The following GRM1 variants were observed in gnomAD, a reference collection of about 807,000 sequenced individuals.
The protein encoded by GRM1 is metabotropic glutamate receptor 1.
A neutral mutation model predicts 90.9 loss-of-function variants in GRM1; 33 were observed. That is an observed-to-expected ratio of 0.36 (90% CI 0.28 to 0.49). The LOEUF (loss-of-function observed/expected upper bound fraction) is 0.49. GRM1 is among the 20% of genes least tolerant of loss of function. The pLI is 0.99. For missense variants in GRM1, 1,190 were observed against 1,534.3 expected (o/e 0.78, Z 3.75); for synonymous variants, 700 against 613.2 (o/e 1.14, Z -2.09).
At chr6:146,313,204 A>G (rs1046900120) in intron 3 of GRM1, among the ~76,000 whole-genome samples, 3 of 152,206 alleles carry the variant, frequency 2.0e-5, no homozygotes, top group Non-Finnish European at 2.9e-5. Context: ...TATTTTTACT[A>G]TGCCTGCAAA....
intron 2 of GRM1, among the ~76,000 whole-genome samples, chr6:146,260,837 T>TTTTTTGTG (rs1781669818): frequency 9.3e-6 from 1 of 107,628 alleles, no homozygotes; most frequent in Non-Finnish European, 1.9e-5. Flanking sequence ...TTTTTTTTTT[T>TTTTTTGTG]GCAATTGAGG....
At chr6:146,386,807 T>A in intron 5 of GRM1, 83 bp from the exon 6 acceptor site, 1 of 1,054,900 alleles carries the variant, frequency 9.5e-7, no homozygotes, top group Non-Finnish European at 1.5e-6. Context: ...TCTTTATTCA[T>A]AATCTGAAAA....
At chr6:146,352,556 G>T in intron 4 of GRM1, 60 bp downstream of exon 4, 1 of 1,542,984 alleles carries the variant, frequency 6.5e-7, no homozygotes, top group Non-Finnish European at 8.9e-7. Context: ...CAGACAGATG[G>T]CAACTGTGGC....
chr6:146,082,363 T>G (rs1582975998), intron 1 of GRM1, among the ~76,000 whole-genome samples: 1 of 152,192 alleles, frequency 6.6e-6, no homozygotes, highest in East Asian at 1.9e-4. Flanking sequence ...ACCATATTGG[T>G]GAGGCTGGTC....
intron 1 of GRM1, among the ~76,000 whole-genome samples, chr6:146,090,009 CA>C: frequency 6.6e-6 from 1 of 152,012 alleles, no homozygotes; most frequent in Non-Finnish European, 1.5e-5. Context: ...TATTAAACTT[CA>C]GACCTGTATG....
chr6:146,030,895 A>G (rs899711069), intron 1 of GRM1, among the ~76,000 whole-genome samples: 21 of 152,182 alleles, frequency 1.4e-4, no homozygotes, highest in African/African-American at 4.8e-4. Context: ...CCCAAGAATT[A>G]TCTTGTTTTA....
intron 3 of GRM1, among the ~76,000 whole-genome samples, chr6:146,324,625 G>A (rs968253488): frequency 3.2e-4 from 49 of 152,090 alleles, no homozygotes; most frequent in Non-Finnish European, 4.6e-4. Flanking sequence ...CTGGGCGGGA[G>A]TGCACCATCC....
At chr6:146,173,806 A>G (rs1342366616) in intron 2 of GRM1, among the ~76,000 whole-genome samples, 1 of 151,856 alleles carries the variant, frequency 6.6e-6, no homozygotes, top group Admixed American at 6.6e-5. Flanking sequence ...AGCTGGGATT[A>G]CAGGCACCCG....
chr6:146,397,043 C>T (rs77703985), intron 6 of GRM1, among the ~76,000 whole-genome samples: 2,965 of 152,154 alleles, frequency 0.019, 92 homozygotes, highest in African/African-American at 0.067. Flanking sequence ...GGACAGAATG[C>T]GGGCACGAGG....
chr6:146,244,840 T>C (rs1428520088), intron 2 of GRM1, among the ~76,000 whole-genome samples: 1 of 152,190 alleles, frequency 6.6e-6, no homozygotes, highest in African/African-American at 2.4e-5. Flanking sequence ...AAACCAGACA[T>C]GCAGCCGTGA....
In GRM1 at chr6:146,352,545, C is replaced by A. The variant is rs781628199; in HGVS notation, c.1433+49C>A. ...AAGTAACCTTGTGAGCCTTCCTGTG[C>A]CAGACAGATGGCAACTGTGGCTTCA... is the stretch of plus-strand genomic sequence containing the variant. On this transcript the variant is annotated intron_variant, in intron 4 of 7. Coordinates refer to ENST00000282753, the MANE Select transcript of GRM1 (RefSeq NM_001278064.2). 10 of 1,590,352 alleles carry A rather than the reference C, an allele frequency of 6.3e-6. No homozygotes were observed. The Admixed American group carries it at 1.5e-4, about 24-fold the overall frequency.
At chr6:146,412,456 G>A (rs2114630231) in intron 7 of GRM1, among the ~76,000 whole-genome samples, 1 of 152,162 alleles carries the variant, frequency 6.6e-6, no homozygotes, top group South Asian at 2.1e-4. Flanking sequence ...GTAGAGTTCA[G>A]TTCATTTACA....
chr6:146,323,936 G>T (rs547727019), intron 3 of GRM1, among the ~76,000 whole-genome samples: 3 of 152,232 alleles, frequency 2.0e-5, no homozygotes, highest in African/African-American at 7.2e-5. Context: ...GCTCTGTTCT[G>T]TTCCATTGGT....
At chr6:146,158,212 CAT>C (rs1777588153) in intron 1 of GRM1, among the ~76,000 whole-genome samples, 3 of 151,872 alleles carry the variant, frequency 2.0e-5, no homozygotes, top group Admixed American at 2.0e-4. Flanking sequence ...GTCAGGAAAA[CAT>C]AAGAGAGTTA....
At chr6:146,164,246 C>A (rs1381941264) in intron 2 of GRM1, among the ~76,000 whole-genome samples, 1 of 152,024 alleles carries the variant, frequency 6.6e-6, no homozygotes, top group Non-Finnish European at 1.5e-5. Flanking sequence ...CAGAGAAGTT[C>A]AATAATTACT....
At chr6:146,144,279 GA>G (rs1357779212) in intron 1 of GRM1, among the ~76,000 whole-genome samples, 74 of 152,248 alleles carry the variant, frequency 4.9e-4, no homozygotes, top group African/African-American at 1.7e-3. Flanking sequence ...CCACCCTTAT[GA>G]CATTATTTAA....
chr6:146,353,914 G>A (rs567746395), intron 4 of GRM1, among the ~76,000 whole-genome samples: 1 of 152,294 alleles, frequency 6.6e-6, no homozygotes, highest in South Asian at 2.1e-4. Flanking sequence ...TTACAGGCGT[G>A]AGCCACTTTG....
intron 1 of GRM1, among the ~76,000 whole-genome samples, chr6:146,032,334 T>A (rs1424917780): frequency 1.3e-5 from 2 of 152,220 alleles, no homozygotes; most frequent in Non-Finnish European, 2.9e-5. Flanking sequence ...TTGCCATTCA[T>A]ATATAATACC....
At chr6:146,078,642 TA>T (rs1274738388) in intron 1 of GRM1, among the ~76,000 whole-genome samples, 5 of 152,308 alleles carry the variant, frequency 3.3e-5, no homozygotes, top group African/African-American at 1.2e-4. Context: ...TATACTTGGG[TA>T]AAATTGTTCT....
Sources: allele counts gnomAD v4.1 joint callset (sites outside exome capture counted in the v4.1 genomes callset), GRCh38; gene constraint gnomAD v4.1.1; transcripts MANE v1.5; gene names NCBI Gene and HGNC (gene_info 2026-07-23, HGNC 2026-07-21).